The following CA8 variants were observed in gnomAD, a reference collection of about 807,000 sequenced individuals.
CA8 encodes the protein carbonic anhydrase-related protein.
In CA8, 22 loss-of-function variants were observed where a neutral mutation model predicts 41.4. The observed-to-expected ratio is 0.53, with a 90% CI of 0.38 to 0.76. The LOEUF (loss-of-function observed/expected upper bound fraction) is 0.76. Among genes scored for constraint, CA8 ranks in the 30% least tolerant of loss-of-function variants. The pLI, the probability that CA8 is intolerant of heterozygous loss-of-function variation, is 0.00. For synonymous variants in CA8, 121 were observed against 130.6 expected (o/e 0.93, Z 0.50); for missense variants, 270 against 352.8 (o/e 0.77, Z 1.88).
Position 60,260,719 on chromosome 8 carries a change from T to C in CA8, c.417+5206A>G, listed in dbSNP as rs138410887. 2.4e-3 allele frequency among the ~76,000 whole-genome samples: 360 copies of C among 152,322 alleles called. 2 individuals are homozygous for C. In the Middle Eastern group the frequency reaches 0.024, roughly 10 times the overall value. ...GACTAGATGATCTTGAAAGTTCCTTTTAAATCTATATTTCTTTAGTGATAT... is the reference window on the plus strand; with the variant it reads ...GACTAGATGATCTTGAAAGTTCCTTCTAAATCTATATTTCTTTAGTGATAT... On this transcript the variant is annotated intron_variant, in intron 3 of 8. Coordinates refer to ENST00000317995, the MANE Select transcript of CA8 (RefSeq NM_004056.6).
At chr8:60,226,713 C>A (rs1031748132) in intron 5 of CA8, among the ~76,000 whole-genome samples, 160 bp downstream of exon 5, 4 of 152,116 alleles carry the variant, frequency 2.6e-5, no homozygotes, top group African/African-American at 4.8e-5. Context: ...TTTCCCTCTG[C>A]TTTTTGACCT....
Position 60,224,525 on chromosome 8 carries a change from G to T in CA8, c.625+12C>A, listed in dbSNP as rs769305138. Reference sequence around the variant, plus strand: ...GTTAAAATTCATTTTATGCAATCAGGTAAATACTCACCTGGTAATAAAGTG... The same window carrying T: ...GTTAAAATTCATTTTATGCAATCAGTTAAATACTCACCTGGTAATAAAGTG... On this transcript the variant is annotated intron_variant, in intron 6 of 8. Coordinates refer to ENST00000317995, the MANE Select transcript of CA8 (RefSeq NM_004056.6). 6.6e-7 allele frequency: 1 copy of T among 1,522,446 alleles called. No individual in the cohort carries two copies. The highest frequency in any genetic ancestry group is 2.3e-5 in the East Asian group (1 of 44,348). 94.3% of individuals were successfully genotyped at this position (1,522,446 alleles called of 1,614,324 possible). A position where few individuals can be genotyped will look rare whatever the true frequency, so the allele number is the denominator to read the frequency against.
At chr8:60,244,130 T>C (rs1808138665) in intron 3 of CA8, among the ~76,000 whole-genome samples, 1 of 152,224 alleles carries the variant, frequency 6.6e-6, no homozygotes, top group African/African-American at 2.4e-5. Flanking sequence ...CAGAAATCTC[T>C]TCCATCATCC....
chr8:60,209,639 C>A (rs535718736), intron 7 of CA8, among the ~76,000 whole-genome samples: 3 of 152,260 alleles, frequency 2.0e-5, no homozygotes, highest in Admixed American at 6.5e-5. Flanking sequence ...CTGATTAGAT[C>A]TTAGATTTAT....
chr8:60,208,495 T>C (rs1806718667), intron 8 of CA8: 4 of 443,878 alleles, frequency 9.0e-6, no homozygotes, highest in Non-Finnish European at 1.7e-5. Flanking sequence ...TCTGTTCTTA[T>C]GAAAGCCACC....
intron 3 of CA8, among the ~76,000 whole-genome samples, chr8:60,244,017 A>G (rs989508558): frequency 5.9e-5 from 9 of 152,124 alleles, no homozygotes; most frequent in Non-Finnish European, 1.2e-4. Context: ...AAATATCTCC[A>G]GTGGGATATT....
chr8:60,273,606 T>C lies in CA8; in HGVS notation c.292+6083A>G, dbSNP rs541390464. On this transcript the variant is annotated intron_variant, in intron 2 of 8. Coordinates refer to ENST00000317995, the MANE Select transcript of CA8 (RefSeq NM_004056.6). ...AAGGAAACCTTAAGAAACCCTGTTATTTAAGCACAGTGGAAGATGAAGCAC... is the reference window on the plus strand; with the variant it reads ...AAGGAAACCTTAAGAAACCCTGTTACTTAAGCACAGTGGAAGATGAAGCAC... Among the ~76,000 whole-genome samples the C allele has an allele frequency of 1.1e-4, 16 of 152,374 alleles. 1 individual carries two copies. The highest frequency in any genetic ancestry group is 5.2e-4 in the Admixed American group (8 of 15,310).
In CA8 at chr8:60,188,906, G is replaced by T. The variant is rs1234172477; in HGVS notation, c.*1115C>A. The T allele has an allele frequency of 1.3e-5, 2 of 152,090 alleles. No individual in the cohort carries two copies. Among genetic ancestry groups the T allele is most frequent in the Admixed American group, 6.6e-5 (1 of 15,258 alleles). The allele number at this position is 152,090 out of a possible 1,614,324, so 9.4% of individuals were successfully genotyped here. On this transcript the variant is annotated 3_prime_UTR_variant, in exon 9 of 9. Transcript: ENST00000317995. ...ACCTGTCTTCTATTTCTATGACTTA[G>T]ATATTCTGCATCACAAAATCCCTCC... is the stretch of plus-strand genomic sequence containing the variant.
intron 7 of CA8, among the ~76,000 whole-genome samples, chr8:60,215,386 G>A (rs996554971): frequency 6.8e-4 from 74 of 109,178 alleles, no homozygotes; most frequent in African/African-American, 2.1e-3. Flanking sequence ...CACACACACC[G>A]GATCCCCACT....
At position 60,189,709 on chromosome 8, in the gene CA8, G is replaced by A. The variant is rs1806060668; in HGVS notation, c.*312C>T. 6.6e-6 allele frequency: 1 copy of A among 152,330 alleles called. No individual in the cohort carries two copies. Among genetic ancestry groups the A allele is most frequent in the Non-Finnish European group, 1.5e-5 (1 of 67,970 alleles). The allele number at this position is 152,330 out of a possible 1,614,324, so 9.4% of individuals were successfully genotyped here. ...ATATATTCATATTAATAACAACTCT[G>A]GAAACTAGTTTCATTCCTTCTACAC... On this transcript the variant is annotated 3_prime_UTR_variant, in exon 9 of 9. Transcript: ENST00000317995.
intron 3 of CA8, among the ~76,000 whole-genome samples, chr8:60,240,491 A>G (rs1283220172): frequency 6.6e-6 from 1 of 152,258 alleles, no homozygotes; most frequent in Non-Finnish European, 1.5e-5. Flanking sequence ...AATGGTTAAA[A>G]GTAAAACTGG....
At chr8:60,249,312 C>T (rs557287620) in intron 3 of CA8, among the ~76,000 whole-genome samples, 4 of 152,152 alleles carry the variant, frequency 2.6e-5, no homozygotes, top group South Asian at 2.1e-4. Flanking sequence ...CCACATAAAC[C>T]GACAGTGGCA....
intron 7 of CA8, among the ~76,000 whole-genome samples, chr8:60,213,656 CTCA>C (rs947237366): frequency 2.6e-5 from 4 of 152,140 alleles, no homozygotes; most frequent in African/African-American, 9.7e-5. Context: ...GGAGAGAAAT[CTCA>C]TCAATAACTT....
At chr8:60,281,021 C>G in intron 1 of CA8, 27 bp downstream of exon 1, 2 of 1,553,626 alleles carry the variant, frequency 1.3e-6, no homozygotes, top group Non-Finnish European at 1.8e-6. Context: ...CGCGGGACCC[C>G]GGACACCCCG....
intron 3 of CA8, among the ~76,000 whole-genome samples, chr8:60,262,335 C>CAAAA (rs11424117): frequency 2.6e-4 from 28 of 109,304 alleles, no homozygotes; most frequent in African/African-American, 8.5e-4. Context: ...AGCAAAATGG[C>CAAAA]AAAAAAAAAA....
At chr8:60,240,037 G>C (rs1211516970) in intron 3 of CA8, among the ~76,000 whole-genome samples, 1 of 152,200 alleles carries the variant, frequency 6.6e-6, no homozygotes, top group East Asian at 1.9e-4. Flanking sequence ...AGTCTTGAGA[G>C]AAACTGACGG....
intron 3 of CA8, among the ~76,000 whole-genome samples, chr8:60,252,406 G>T (rs1808486919): frequency 6.6e-6 from 1 of 152,338 alleles, no homozygotes; most frequent in East Asian, 1.9e-4. Flanking sequence ...TTTAAATGGG[G>T]ATAGAAATTC....
Position 60,226,907 on chromosome 8 carries a change from GC to G in CA8, c.541del (p.Ala181LeufsTer2). The stretch of plus-strand genomic sequence containing the variant: ...AATATCTTGGAGGATTTCAGTCACA[GC>G]CTTCAAGCCAACATGTTCCTTTCCT... ...QIGKEHVGLK[A>X]VTEILQDIQY... On this transcript the variant is annotated frameshift_variant, in exon 5 of 9. Coordinates refer to ENST00000317995, the MANE Select transcript of CA8 (RefSeq NM_004056.6). LOFTEE classifies it high-confidence loss of function. 6.2e-7 allele frequency: 1 copy of G among 1,603,244 alleles called. No homozygotes were observed. The highest frequency in any genetic ancestry group is 8.5e-7 in the Non-Finnish European group (1 of 1,170,384).
intron 3 of CA8, among the ~76,000 whole-genome samples, chr8:60,255,743 A>T (rs2130563353): frequency 6.6e-6 from 1 of 152,340 alleles, no homozygotes; most frequent in East Asian, 1.9e-4. Flanking sequence ...CTTAAAGAAC[A>T]AAACTATACT....
Sources: allele counts gnomAD v4.1 joint callset (sites outside exome capture counted in the v4.1 genomes callset), GRCh38; gene constraint gnomAD v4.1.1; transcripts MANE v1.5; gene names NCBI Gene and HGNC (gene_info 2026-07-23, HGNC 2026-07-21).